LPP: variants seen among roughly 807,000 people sequenced by gnomAD.
LPP encodes the protein LIM domain containing preferred translocation partner in lipoma.
In LPP, 38 loss-of-function variants were observed where a neutral mutation model predicts 60.4. The observed-to-expected ratio is 0.63, with a 90% CI of 0.49 to 0.83. The LOEUF (loss-of-function observed/expected upper bound fraction) is 0.83, where lower values mean the gene tolerates loss of function less well. LPP is among the 40% of genes least tolerant of loss of function. LPP has a pLI of 0.00. For synonymous variants in LPP, 328 were observed against 290.8 expected, an observed-to-expected ratio of 1.13 and a Z score of -1.30; for missense variants, 902 against 783.6, an observed-to-expected ratio of 1.15 and a Z score of -1.80.
chr3:188,154,843 A>G (rs1466993803), intron 1 of LPP, among the ~76,000 whole-genome samples: 1 of 152,206 alleles, frequency 6.6e-6, no homozygotes, highest in Non-Finnish European at 1.5e-5. Flanking sequence ...CCTAGGGTAG[A>G]AAATGCTAAG....
chr3:188,238,817 T>A (rs1722808738), intron 2 of LPP, among the ~76,000 whole-genome samples: 1 of 152,206 alleles, frequency 6.6e-6, no homozygotes, highest in African/African-American at 2.4e-5. Flanking sequence ...AGCCATGAAA[T>A]GAGCACATGC....
chr3:188,716,252 G>A (rs1225013047), intron 8 of LPP, among the ~76,000 whole-genome samples: 1 of 152,206 alleles, frequency 6.6e-6, no homozygotes, highest in African/African-American at 2.4e-5. Context: ...GAGGCAGCAG[G>A]GACCTAGCAC....
intron 9 of LPP, among the ~76,000 whole-genome samples, chr3:188,856,605 T>C (rs958289186): frequency 3.3e-5 from 5 of 152,236 alleles, no homozygotes; most frequent in African/African-American, 1.2e-4. Flanking sequence ...GTTAAGAGAT[T>C]GTTAAGGCAG....
chr3:188,447,298 C>T (rs1384160122), intron 4 of LPP, among the ~76,000 whole-genome samples: 1 of 152,070 alleles, frequency 6.6e-6, no homozygotes, highest in East Asian at 1.9e-4. Flanking sequence ...TTTTACAGGG[C>T]ATATATAAGG....
intron 9 of LPP, among the ~76,000 whole-genome samples, chr3:188,797,007 T>C (rs749611569): frequency 1.8e-4 from 27 of 152,174 alleles, no homozygotes; most frequent in Non-Finnish European, 3.7e-4. Context: ...AAATTGGAGC[T>C]CAAGGCTTCC....
At chr3:188,497,149 T>C (rs1310832475) in intron 5 of LPP, among the ~76,000 whole-genome samples, 1 of 152,178 alleles carries the variant, frequency 6.6e-6, no homozygotes, top group Non-Finnish European at 1.5e-5. Flanking sequence ...CCTTCTTTCC[T>C]GATAGTTTCT....
Position 188,609,074 on chromosome 3 carries a change from TAATA to T in LPP, c.430-86_430-83del. 1 of 955,482 alleles carries T rather than the reference TAATA, an allele frequency of 1.0e-6. No individual in the cohort carries two copies. 59.2% of individuals were successfully genotyped at this position (955,482 alleles called of 1,614,324 possible). On this transcript the variant is annotated intron_variant, in intron 6 of 11. Coordinates refer to ENST00000617246, the MANE Select transcript of LPP (RefSeq NM_001375462.1). The surrounding 1 kb of genome is among the most constrained non-coding windows in gnomAD (Gnocchi z 6.9). ...GTAATAAATAATAATTAGCAGTTAT[TAATA>T]TTTTTCATTTATTCATTTTTATTGA...
At chr3:188,394,672 G>T (rs1025860687) in intron 3 of LPP, among the ~76,000 whole-genome samples, 1 of 151,168 alleles carries the variant, frequency 6.6e-6, no homozygotes, top group Non-Finnish European at 1.5e-5. Context: ...GTCAATAATT[G>T]ATAAAAATAC....
chr3:188,312,174 C>G (rs1280298044), intron 2 of LPP, among the ~76,000 whole-genome samples: 1 of 151,984 alleles, frequency 6.6e-6, no homozygotes, highest in Non-Finnish European at 1.5e-5. Context: ...CACAAACACA[C>G]ACAGATATGT....
intron 2 of LPP, among the ~76,000 whole-genome samples, chr3:188,328,184 T>C (rs1293847830): frequency 6.6e-6 from 1 of 152,180 alleles, no homozygotes. Context: ...TAGGTTAGTT[T>C]CAATGTGGAA....
In LPP at chr3:188,440,970, T is replaced by TGTGC. The variant is rs1302192093; in HGVS notation, c.193+34658_193+34659insTGCG. Among the ~76,000 whole-genome samples the TGTGC allele has an allele frequency of 5.3e-4, 79 of 150,384 alleles. 1 individual carries two copies. Among genetic ancestry groups the TGTGC allele is most frequent in the Admixed American group, 3.6e-3 (54 of 15,058 alleles). On this transcript the variant is annotated intron_variant, in intron 4 of 11. Transcript: ENST00000617246. ...TAATATGTGTGTGTGTGTGTGTGTG[T>TGTGC]GCGCCTGTATACATCAGATATATGG... is the stretch of plus-strand genomic sequence containing the variant.
chr3:188,778,600 T>C (rs925405794), intron 9 of LPP, among the ~76,000 whole-genome samples: 1 of 152,098 alleles, frequency 6.6e-6, no homozygotes, highest in African/African-American at 2.4e-5. Context: ...TTTCCTAAAA[T>C]TGCTAGTGTA....
intron 7 of LPP, among the ~76,000 whole-genome samples, chr3:188,692,720 G>A (rs1467142174): frequency 6.6e-6 from 1 of 152,222 alleles, no homozygotes; most frequent in Non-Finnish European, 1.5e-5. Flanking sequence ...CTCAGCAAGT[G>A]CCCTTTGAAT....
At position 188,609,381 on chromosome 3, in the gene LPP, C is replaced by T. The variant is rs751571549; in HGVS notation, c.650C>T (p.Ser217Leu). The T allele has an allele frequency of 1.2e-6, 2 of 1,614,146 alleles. No individual in the cohort carries two copies. Among genetic ancestry groups the T allele is most frequent in the South Asian group, 1.1e-5 (1 of 91,084 alleles). ...TCCTACACCACGGCCTCCACTTCTTCAAGGCCTACCTTTAATGTGCAGGTG... is the reference window on the plus strand; with the variant it reads ...TCCTACACCACGGCCTCCACTTCTTTAAGGCCTACCTTTAATGTGCAGGTG... ...PASYTTASTSSRPTFNVQVKS... is the reference protein window; with the variant it reads ...PASYTTASTSLRPTFNVQVKS... The change falls in exon 7 of 12, where the codon TCA becomes TTA. Residue 217 changes from serine to leucine, a missense_variant. Coordinates refer to ENST00000617246, the MANE Select transcript of LPP (RefSeq NM_001375462.1). This position sits in a 1 kb window ranked among gnomAD's most constrained non-coding sequence, Gnocchi z 6.9.
rs1354926048 is a variant in LPP at position 188,548,233 on chromosome 3, T to C, written c.429+23446T>C. ...TGCTTCTAACTCACTTTTTGATTTT[T>C]AGCAGGCAAGCTATTTCACTTCTCT... On this transcript the variant is annotated intron_variant, in intron 6 of 11. Transcript: ENST00000617246. Among the ~76,000 whole-genome samples, 4 of 152,200 alleles carry C rather than the reference T, an allele frequency of 2.6e-5. No individual in the cohort carries two copies. The East Asian group carries it at 5.8e-4, about 22-fold the overall frequency.
At position 188,685,771 on chromosome 3, in the gene LPP, G is replaced by A. The variant is rs138511695; in HGVS notation, c.1114-22496G>A. ...AATTCAATCCATTTGCCTTAACGTGGTGTCCCATTACCACGAATACTGAGT... is the reference window on the plus strand; with the variant it reads ...AATTCAATCCATTTGCCTTAACGTGATGTCCCATTACCACGAATACTGAGT... On this transcript the variant is annotated intron_variant, in intron 7 of 11. Transcript: ENST00000617246. Among the ~76,000 whole-genome samples, 32 of 152,152 alleles carry A rather than the reference G, an allele frequency of 2.1e-4. 1 individual carries two copies. The highest frequency in any genetic ancestry group is 2.0e-3 in the Admixed American group (30 of 15,290).
chr3:188,770,927 T>C (rs1181303389), intron 9 of LPP, among the ~76,000 whole-genome samples: 2 of 152,194 alleles, frequency 1.3e-5, no homozygotes, highest in Non-Finnish European at 2.9e-5. Context: ...CATCTGACTT[T>C]GTAAAACAGT....
chr3:188,426,904 C>T (rs561054170), intron 4 of LPP, among the ~76,000 whole-genome samples: 77 of 152,236 alleles, frequency 5.1e-4, no homozygotes, highest in African/African-American at 1.8e-3. Context: ...ACGCTTTATC[C>T]AGTTTGCCAG....
intron 7 of LPP, among the ~76,000 whole-genome samples, chr3:188,694,980 T>G (rs1365720781): frequency 6.6e-6 from 1 of 152,202 alleles, no homozygotes. Context: ...GCACTTTTGT[T>G]GCGGTTAAGC....
Sources: gnomAD v4.1 joint callset for allele counts (sites outside exome capture counted in the v4.1 genomes callset) on GRCh38, gnomAD v4.1.1 for gene constraint, Gnocchi (gnomAD v3.1) non-coding constraint, MANE v1.5 for transcripts, NCBI Gene and HGNC (gene_info 2026-07-23, HGNC 2026-07-21) for gene names.